Variants in CLCA2 observed in about 807,000 individuals in gnomAD.
CLCA2 encodes the protein chloride channel accessory 2.
A neutral mutation model predicts 82.9 loss-of-function variants in CLCA2; 85 were observed. The ratio of observed to expected loss-of-function variants is 1.03; its 90% CI spans 0.86 to 1.23. The LOEUF (loss-of-function observed/expected upper bound fraction) is 1.23. Ranked by LOEUF, CLCA2 falls within the 50% of genes most tolerant of loss-of-function variation. The pLI is 0.00. For missense variants in CLCA2, 1,089 were observed against 1,124.8 expected (o/e 0.97, Z 0.45); for synonymous variants, 421 against 391.7 (o/e 1.07, Z -0.88).
chr1:86,437,214 C>T (rs538805383), intron 6 of CLCA2, among the ~76,000 whole-genome samples: 25 of 152,248 alleles, frequency 1.6e-4, no homozygotes, highest in Admixed American at 1.4e-3. Context: ...GTCATTGAAC[C>T]ATTATTGCCA....
At chr1:86,430,692 G>A (rs956049482) in intron 3 of CLCA2, among the ~76,000 whole-genome samples, 170 bp from the exon 4 acceptor site, 1 of 152,174 alleles carries the variant, frequency 6.6e-6, no homozygotes, top group Non-Finnish European at 1.5e-5. Flanking sequence ...TGGAGTAGGA[G>A]GAGATGGGAA....
In CLCA2 at chr1:86,424,372, G is replaced by A. The variant is rs1662347172; in HGVS notation, c.125G>A (p.Gly42Glu). 1 of 1,613,644 alleles carries A rather than the reference G, an allele frequency of 6.2e-7. No individual in the cohort carries two copies. Among genetic ancestry groups the A allele is most frequent in the Non-Finnish European group, 8.5e-7 (1 of 1,179,782 alleles). Residue 42 changes from glycine to glutamate, a missense_variant, in exon 1 of 14, where the codon GGA becomes GAA. By Grantham distance (98) the Gly-to-Glu change is moderately conservative (BLOSUM62 -2). Transcript: ENST00000370565. ...CAGCTTCAAGACAATGGGTATAATG[G>A]ATTGCTCATTGCAATTAATCCTCAG... ...GVQLQDNGYN[G>E]LLIAINPQVP...
chr1:86,445,800 TAAAAC>T (rs1161066740), intron 10 of CLCA2, among the ~76,000 whole-genome samples: 1 of 152,022 alleles, frequency 6.6e-6, no homozygotes, highest in African/African-American at 2.4e-5. Flanking sequence ...AAACTTATAA[TAAAAC>T]AAAAAATACT....
chr1:86,438,731 T>C (rs972121559), intron 6 of CLCA2, 145 bp from the exon 7 acceptor site: 7 of 663,258 alleles, frequency 1.1e-5, no homozygotes, highest in Admixed American at 8.5e-5. Flanking sequence ...AATATTCTAA[T>C]ATTATGTTAC....
At chr1:86,444,919 T>C (rs1662818242) in intron 10 of CLCA2, among the ~76,000 whole-genome samples, 1 of 151,816 alleles carries the variant, frequency 6.6e-6, no homozygotes, top group Non-Finnish European at 1.5e-5. Flanking sequence ...GTTGTTGAGA[T>C]GGAGTCTCGC....
In CLCA2 at chr1:86,456,011, C is replaced by T. The variant is rs6657426; in HGVS notation, c.*484C>T. On this transcript the variant is annotated 3_prime_UTR_variant, in exon 14 of 14. Transcript: ENST00000370565. ...GCCCCTAATGCAAAGCTCTTTACCT[C>T]TTGCTATTTTGTTATATATATTACA... 9,779 of 152,280 alleles carry T rather than the reference C, an allele frequency of 0.064. 342 individuals are homozygous for T. Among genetic ancestry groups the T allele is most frequent in the South Asian group, 0.081 (389 of 4,818 alleles). 9.4% of individuals were successfully genotyped at this position (152,280 alleles called of 1,614,324 possible).
intron 13 of CLCA2, 69 bp from the exon 14 acceptor site, chr1:86,455,016 T>G: frequency 1.1e-6 from 1 of 920,860 alleles, no homozygotes; most frequent in South Asian, 2.1e-5. Context: ...TTCTCATTAG[T>G]AATTTCTAAT....
chr1:86,425,190 T>C, intron 1 of CLCA2, 149 bp from the exon 2 acceptor site: 1 of 417,410 alleles, frequency 2.4e-6, no homozygotes, highest in Non-Finnish European at 4.1e-6. Context: ...TTTGCTCCTA[T>C]GTTTTCCCAA....
chr1:86,430,593 C>T (rs1312289469), intron 3 of CLCA2, among the ~76,000 whole-genome samples: 3 of 152,182 alleles, frequency 2.0e-5, no homozygotes, highest in Admixed American at 2.0e-4. Flanking sequence ...GGACTACTCA[C>T]TAGCTTCAAA....
At chr1:86,451,204 T>G (rs1011168618) in intron 12 of CLCA2, among the ~76,000 whole-genome samples, 1 of 152,212 alleles carries the variant, frequency 6.6e-6, no homozygotes, top group African/African-American at 2.4e-5. Flanking sequence ...TTCCTGAAGA[T>G]GTTTTGCTTT....
intron 2 of CLCA2, among the ~76,000 whole-genome samples, chr1:86,427,638 T>G (rs1334145): frequency 0.58 from 88,549 of 151,610 alleles, 26,071 homozygotes; most frequent in Non-Finnish European, 0.63. Context: ...TAGATCTATT[T>G]TTCTAAAATC....
chr1:86,453,021 A>C (rs1663004877), intron 12 of CLCA2, among the ~76,000 whole-genome samples: 1 of 152,128 alleles, frequency 6.6e-6, no homozygotes, highest in African/African-American at 2.4e-5. Flanking sequence ...AAAAATACAA[A>C]AATTAGCTGC....
rs1570270723 is a variant in CLCA2 at position 86,455,738 on chromosome 1, A to C, written c.*211A>C. 3 of 310,288 alleles carry C rather than the reference A, an allele frequency of 9.7e-6. No homozygotes were observed. 19.2% of individuals were successfully genotyped at this position (310,288 alleles called of 1,614,324 possible). ...ACACTTTGGCTATGAACAAATAATA[A>C]AAATTATTCTTTAAAGTAATGTCTT... On this transcript the variant is annotated 3_prime_UTR_variant, in exon 14 of 14. Transcript: ENST00000370565.
chr1:86,453,489 C>T lies in CLCA2; in HGVS notation c.2276C>T (p.Pro759Leu). ...SFSVLGVPAG[P>L]HPDVFPPCKI... ...TCAGTGCTGGGAGTTCCAGCTGGCC[C>T]CCACCCTGATGTGTTTCCACCATGC... Residue 759 changes from proline to leucine, a missense_variant, in exon 13 of 14, where the codon CCC (proline) becomes CTC (leucine). Coordinates refer to ENST00000370565, the MANE Select transcript of CLCA2 (RefSeq NM_006536.7). The T allele has an allele frequency of 6.2e-7, 1 of 1,614,064 alleles. No individual in the cohort carries two copies. Among genetic ancestry groups the T allele is most frequent in the Non-Finnish European group, 8.5e-7 (1 of 1,180,008 alleles).
chr1:86,424,540 A>G (rs912806112), intron 1 of CLCA2, 107 bp downstream of exon 1: 2 of 902,608 alleles, frequency 2.2e-6, no homozygotes, highest in African/African-American at 3.4e-5. Flanking sequence ...AATACAGAGA[A>G]CAGCATTTTT....
chr1:86,430,933 T>G lies in CLCA2; in HGVS notation c.547T>G (p.Phe183Val), dbSNP rs1199930443. 1 of 1,613,308 alleles carries G rather than the reference T, an allele frequency of 6.2e-7. No homozygotes were observed. The highest frequency in any genetic ancestry group is 1.1e-5 in the South Asian group (1 of 90,954). The change falls in exon 4 of 14, where the codon TTC becomes GTC. Residue 183 changes from phenylalanine to valine, a missense_variant. Transcript: ENST00000370565. ...VFDEYNNDKP[F>V]YINGQNQIKV... ...CGATGAGTATAACAATGACAAACCT[T>G]TCTACATAAATGGGCAAAATCAAAT...
At position 86,439,148 on chromosome 1, in the gene CLCA2, C is replaced by T. The variant is rs1275882272; in HGVS notation, c.1203+42C>T. On this transcript the variant is annotated intron_variant, in intron 7 of 13. Coordinates refer to ENST00000370565, the MANE Select transcript of CLCA2 (RefSeq NM_006536.7). ...TAAGCCTTGGATCACCATCATTTTCCTTTCCCTCTTTTAGTATACGAGGTT... is the reference window on the plus strand; with the variant it reads ...TAAGCCTTGGATCACCATCATTTTCTTTTCCCTCTTTTAGTATACGAGGTT... The T allele has an allele frequency of 1.9e-6, 3 of 1,582,872 alleles. No individual in the cohort carries two copies. The African/African-American group carries it at 4.0e-5, about 21-fold the overall frequency.
chr1:86,424,844 A>G (rs936831482), intron 1 of CLCA2, among the ~76,000 whole-genome samples: 2 of 152,202 alleles, frequency 1.3e-5, no homozygotes, highest in African/African-American at 4.8e-5. Context: ...GAGAATTCTC[A>G]GGCAGAAAGG....
At chr1:86,443,086 G>A (rs112743802) in intron 9 of CLCA2, among the ~76,000 whole-genome samples, 5,987 of 151,934 alleles carry the variant, frequency 0.039, 187 homozygotes, top group African/African-American at 0.081. Flanking sequence ...GAGTGCAGTG[G>A]CGCGATCTCA....
Sources: gnomAD v4.1 joint callset for allele counts (sites outside exome capture counted in the v4.1 genomes callset) on GRCh38, gnomAD v4.1.1 for gene constraint, MANE v1.5 for transcripts, NCBI Gene and HGNC (gene_info 2026-07-23, HGNC 2026-07-21) for gene names.